The following TLN2 variants were observed in gnomAD, a reference collection of about 807,000 sequenced individuals.
TLN2 encodes the protein talin-2.
A neutral mutation model predicts 294.7 loss-of-function variants in TLN2; 118 were observed. That is an observed-to-expected ratio of 0.40 (90% CI 0.34 to 0.47). TLN2 has a LOEUF of 0.47. Among genes scored for constraint, TLN2 ranks in the 20% least tolerant of loss-of-function variants. The probability of loss-of-function intolerance (pLI) is 0.84; values close to 1 mark genes in which losing one functional copy is unlikely to be tolerated. For synonymous variants in TLN2, 1,431 were observed against 1,304.5 expected (o/e 1.10, Z -2.09); for missense variants, 3,083 against 3,282.2 (o/e 0.94, Z 1.48).
At chr15:62,740,538 C>A (rs1482406345) in intron 31 of TLN2, 92 bp from the exon 32 acceptor site, 4 of 1,549,616 alleles carry the variant, frequency 2.6e-6, no homozygotes, top group Non-Finnish European at 3.5e-6. Flanking sequence ...GGATAACCTG[C>A]CTGCATGTCA....
Position 62,601,532 on chromosome 15 carries a change from C to T in TLN2, c.-162+11770C>T, listed in dbSNP as rs1027258770. On this transcript the variant is annotated intron_variant, in intron 2 of 58. Coordinates refer to ENST00000636159, the MANE Select transcript of TLN2 (RefSeq NM_015059.3). ...GGCAAGAATACACGTAGGCAGGCTA[C>T]ATATTTTCATTGAGAAACACATAGT... Among the ~76,000 whole-genome samples the T allele has an allele frequency of 2.0e-5, 3 of 152,210 alleles. No homozygotes were observed. In the East Asian group the frequency reaches 5.8e-4, roughly 29 times the overall value.
In TLN2 at chr15:62,815,221, ACACACACACACT is replaced by A. The variant is rs1371542181; in HGVS notation, c.6772-4291_6772-4280del. 4.2e-3 allele frequency among the ~76,000 whole-genome samples: 621 copies of A among 147,440 alleles called. 5 individuals are homozygous for A. The highest frequency in any genetic ancestry group is 0.018 in the Middle Eastern group (5 of 284). On this transcript the variant is annotated intron_variant, in intron 52 of 58. Transcript: ENST00000636159. The stretch of plus-strand genomic sequence containing the variant: ...CACACACACACACACACACACACAC[ACACACACACACT>A]CACTCGCTCTGCCCTTCACTCTGTT...
At chr15:62,625,383 A>T (rs1324021085) in intron 3 of TLN2, among the ~76,000 whole-genome samples, 1 of 152,162 alleles carries the variant, frequency 6.6e-6, no homozygotes, top group East Asian at 1.9e-4. Context: ...TGCTGGCTGC[A>T]GTGTAAGCTG....
intron 51 of TLN2, among the ~76,000 whole-genome samples, chr15:62,807,817 C>T (rs985230867): frequency 6.6e-6 from 1 of 152,188 alleles, no homozygotes; most frequent in Non-Finnish European, 1.5e-5. Flanking sequence ...CAAAATCAGA[C>T]TTGACAGGAG....
chr15:62,483,953 A>T (rs1442680004), intron 1 of TLN2, among the ~76,000 whole-genome samples: 3 of 152,178 alleles, frequency 2.0e-5, no homozygotes, highest in African/African-American at 7.2e-5. Flanking sequence ...TGCGTAGAGA[A>T]GATGTTAGGG....
chr15:62,534,073 G>A (rs1447682795), intron 1 of TLN2, among the ~76,000 whole-genome samples: 1 of 152,116 alleles, frequency 6.6e-6, no homozygotes, highest in Admixed American at 6.5e-5. Context: ...GATCCAGTAG[G>A]AGCCTGAGGA....
chr15:62,724,528 T>G, intron 26 of TLN2, among the ~76,000 whole-genome samples: 1 of 152,324 alleles, frequency 6.6e-6, no homozygotes, highest in Middle Eastern at 3.4e-3. Flanking sequence ...ATTTATAATC[T>G]AGAAATTTGT....
chr15:62,777,990 A>G (rs139534517), intron 43 of TLN2, among the ~76,000 whole-genome samples: 18 of 152,356 alleles, frequency 1.2e-4, no homozygotes, highest in African/African-American at 3.1e-4. Flanking sequence ...GACATCGTCT[A>G]TGTTTTGAAA....
chr15:62,698,851 C>G lies in TLN2; in HGVS notation c.1571C>G (p.Pro524Arg), dbSNP rs1303193216. The change falls in exon 16 of 59, where the codon CCT (proline) becomes CGT (arginine). Residue 524 changes from proline to arginine, a missense_variant. Transcript: ENST00000636159. ...DDLSELDSLP[P>R]LGQDMASRVW... is the part of the protein sequence containing the mutation. ...CTCAGTGAGCTCGACTCGCTGCCAC[C>G]TCTCGGCCAGGATATGGTAAATACT... The G allele has an allele frequency of 4.3e-6, 7 of 1,612,732 alleles. No individual in the cohort carries two copies. The highest frequency in any genetic ancestry group is 2.2e-5 in the East Asian group (1 of 44,888).
At chr15:62,410,903 G>A (rs1009020246) in intron 1 of TLN2, among the ~76,000 whole-genome samples, 16 of 152,176 alleles carry the variant, frequency 1.1e-4, no homozygotes, top group Non-Finnish European at 1.8e-4. Flanking sequence ...ATTCTCCAAC[G>A]CATAGTGTAT....
At chr15:62,713,400 T>A (rs930152967) in intron 22 of TLN2, among the ~76,000 whole-genome samples, 2 of 151,790 alleles carry the variant, frequency 1.3e-5, no homozygotes, top group African/African-American at 4.8e-5. Flanking sequence ...TATTGTGGGC[T>A]GGGCATGGTG....
intron 11 of TLN2, among the ~76,000 whole-genome samples, chr15:62,684,962 A>C (rs1446354848): frequency 6.6e-6 from 1 of 151,064 alleles, no homozygotes. Flanking sequence ...CTTTGTGTGA[A>C]TGTATATATC....
intron 27 of TLN2, among the ~76,000 whole-genome samples, chr15:62,726,529 A>G (rs560684178): frequency 3.5e-4 from 53 of 152,258 alleles, no homozygotes; most frequent in African/African-American, 1.2e-3. Flanking sequence ...CATTTTCATA[A>G]TCTCATTTAC....
chr15:62,460,284 A>C (rs1205169988), intron 1 of TLN2, among the ~76,000 whole-genome samples: 1 of 138,082 alleles, frequency 7.2e-6, no homozygotes, highest in African/African-American at 2.7e-5. Flanking sequence ...TTTTCCCTTG[A>C]GATGGAGTTT....
At chr15:62,418,700 C>T (rs1281196578) in intron 1 of TLN2, among the ~76,000 whole-genome samples, 1 of 152,048 alleles carries the variant, frequency 6.6e-6, no homozygotes, top group Non-Finnish European at 1.5e-5. Context: ...TTGAGATAGG[C>T]GCTGGAGTTT....
At chr15:62,436,252 A>G (rs1303252498) in intron 1 of TLN2, among the ~76,000 whole-genome samples, 4 of 152,178 alleles carry the variant, frequency 2.6e-5, no homozygotes, top group Non-Finnish European at 2.9e-5. Flanking sequence ...TGTGTTAAGG[A>G]TACAGTGGTG....
At chr15:62,402,754 A>C (rs1312693558) in intron 1 of TLN2, among the ~76,000 whole-genome samples, 5 of 152,186 alleles carry the variant, frequency 3.3e-5, no homozygotes, top group Non-Finnish European at 7.3e-5. Context: ...CTGAGAGAAG[A>C]AGCAATTAGA....
At chr15:62,405,994 C>T (rs754027537) in intron 1 of TLN2, among the ~76,000 whole-genome samples, 9 of 152,146 alleles carry the variant, frequency 5.9e-5, no homozygotes, top group Non-Finnish European at 1.2e-4. Context: ...ATGAATGTGC[C>T]TGGTGAAGGG....
At chr15:62,554,740 C>T (rs2042514052) in intron 1 of TLN2, among the ~76,000 whole-genome samples, 1 of 152,160 alleles carries the variant, frequency 6.6e-6, no homozygotes, top group South Asian at 2.1e-4. Context: ...TCAGTTTCAC[C>T]TAACAAGGAG....
Sources: allele counts gnomAD v4.1 joint callset (sites outside exome capture counted in the v4.1 genomes callset), GRCh38; gene constraint gnomAD v4.1.1; transcripts MANE v1.5; gene names NCBI Gene and HGNC (gene_info 2026-07-23, HGNC 2026-07-21).